Variants in PLPPR5 observed in about 807,000 individuals in gnomAD.
PLPPR5 encodes the protein phospholipid phosphatase-related protein type 5.
In PLPPR5, 16 loss-of-function variants were observed where a neutral mutation model predicts 33.9. That is an observed-to-expected ratio of 0.47 (90% CI 0.32 to 0.72). The LOEUF (loss-of-function observed/expected upper bound fraction) is 0.72. Among genes scored for constraint, PLPPR5 ranks in the 30% least tolerant of loss-of-function variants. The pLI, the probability that PLPPR5 is intolerant of heterozygous loss-of-function variation, is 0.03. For missense variants in PLPPR5, 301 were observed against 406.7 expected (o/e 0.74, Z 2.23); for synonymous variants, 163 against 150.3 (o/e 1.08, Z -0.62).
At chr1:98,984,202 C>A (rs534579213) in intron 1 of PLPPR5, among the ~76,000 whole-genome samples, 14 of 152,132 alleles carry the variant, frequency 9.2e-5, no homozygotes, top group South Asian at 4.1e-4. Flanking sequence ...GGACATGGAA[C>A]AGGGCAGTGC....
chr1:98,984,816 C>T (rs1652196221), intron 1 of PLPPR5, among the ~76,000 whole-genome samples: 1 of 151,690 alleles, frequency 6.6e-6, no homozygotes, highest in South Asian at 2.1e-4. Flanking sequence ...CATGCTGAGT[C>T]CAGGCAAAGA....
chr1:98,977,902 C>T (rs1365612214), intron 1 of PLPPR5, among the ~76,000 whole-genome samples: 1 of 151,768 alleles, frequency 6.6e-6, no homozygotes, highest in African/African-American at 2.4e-5. Context: ...CCAAAGAAAA[C>T]AAATAATAAT....
intron 1 of PLPPR5, among the ~76,000 whole-genome samples, chr1:98,987,350 G>T (rs1652295746): frequency 6.6e-6 from 1 of 151,710 alleles, no homozygotes; most frequent in Non-Finnish European, 1.5e-5. Flanking sequence ...ATATTTATGG[G>T]TATATTACTA....
At chr1:98,989,051 G>A (rs1057397437) in intron 1 of PLPPR5, among the ~76,000 whole-genome samples, 1 of 152,022 alleles carries the variant, frequency 6.6e-6, no homozygotes, top group African/African-American at 2.4e-5. Context: ...CAGAGTCATG[G>A]GTTGTCAGAT....
rs369757572 is a variant in PLPPR5 at position 98,909,761 on chromosome 1, C to T, written c.933+5025G>A. The stretch of plus-strand genomic sequence containing the variant: ...ACTGGATCCCATTGATTTAATAATT[C>T]ACTGCTCATATATATTTTAGCTTAT... On this transcript the variant is annotated intron_variant, in intron 5 of 5. Coordinates refer to ENST00000263177, the MANE Select transcript of PLPPR5 (RefSeq NM_001037317.2). Among the ~76,000 whole-genome samples the T allele has an allele frequency of 3.3e-5, 5 of 152,248 alleles. No homozygotes were observed. The East Asian group carries it at 5.8e-4, about 18-fold the overall frequency.
intron 5 of PLPPR5, among the ~76,000 whole-genome samples, chr1:98,909,502 T>C (rs190356717): frequency 7.9e-5 from 12 of 152,020 alleles, no homozygotes; most frequent in Admixed American, 1.3e-4. Context: ...ATTTACCTCA[T>C]CCATCTTAGC....
At chr1:98,918,384 G>A (rs551346984) in intron 4 of PLPPR5, among the ~76,000 whole-genome samples, 2 of 152,274 alleles carry the variant, frequency 1.3e-5, no homozygotes, top group East Asian at 3.9e-4. Context: ...TGTTGTATAT[G>A]ATAACATGAC....
chr1:98,982,057 C>T (rs1452731359), intron 1 of PLPPR5, among the ~76,000 whole-genome samples: 1 of 152,016 alleles, frequency 6.6e-6, no homozygotes, highest in Non-Finnish European at 1.5e-5. Flanking sequence ...AATGTTTCAA[C>T]TCTTACTCTA....
chr1:99,005,354 G>T (rs1653049324), upstream of PLPPR5, among the ~76,000 whole-genome samples: 4 of 152,172 alleles, frequency 2.6e-5, no homozygotes, highest in South Asian at 8.3e-4. Context: ...CGTTCAGCCT[G>T]CATCCCTCGA....
intron 1 of PLPPR5, among the ~76,000 whole-genome samples, chr1:98,998,637 G>A (rs1017629151): frequency 1.4e-4 from 22 of 152,104 alleles, no homozygotes; most frequent in Non-Finnish European, 3.2e-4. Context: ...TAATTAACAT[G>A]TTAGGATAAA....
intron 3 of PLPPR5, 42 bp downstream of exon 3, chr1:98,953,028 A>T (rs1337913366): frequency 1.2e-6 from 2 of 1,604,214 alleles, no homozygotes; most frequent in African/African-American, 2.7e-5. Flanking sequence ...AAAAATTAAC[A>T]ATAATACAGA....
At chr1:98,976,431 C>T (rs1458419178) in intron 1 of PLPPR5, among the ~76,000 whole-genome samples, 1 of 151,986 alleles carries the variant, frequency 6.6e-6, no homozygotes, top group East Asian at 1.9e-4. Context: ...CTTTAAAAAT[C>T]TATTCAGATA....
At chr1:99,001,671 G>GATATATATATATATATAGATATATAT (rs1553173326) in intron 1 of PLPPR5, among the ~76,000 whole-genome samples, 71 of 102,168 alleles carry the variant, frequency 6.9e-4, no homozygotes, top group Non-Finnish European at 1.2e-3. Flanking sequence ...GAAAGTTAAA[G>GATATATATATATATATAGATATATAT]ATATATATAT....
chr1:98,984,958 G>A lies in PLPPR5; in HGVS notation c.237+19477C>T, dbSNP rs147199944. On this transcript the variant is annotated intron_variant, in intron 1 of 5. Transcript: ENST00000263177. ...CTCCAAAATATATCTTTCTTGTATT[G>A]AGCTGGCTATGTAAAAACTCTTCAT... Among the ~76,000 whole-genome samples the A allele has an allele frequency of 3.3e-3, 502 of 151,824 alleles. 3 individuals carry two copies. Among genetic ancestry groups the A allele is most frequent in the African/African-American group, 0.012 (488 of 41,428 alleles).
chr1:98,987,426 TTTTTA>T (rs1406637369), intron 1 of PLPPR5, among the ~76,000 whole-genome samples: 1 of 151,880 alleles, frequency 6.6e-6, no homozygotes, highest in Non-Finnish European at 1.5e-5. Flanking sequence ...ATAATTTTGG[TTTTTA>T]TTTTAAAACA....
chr1:98,949,218 A>T (rs1046762886), intron 3 of PLPPR5, among the ~76,000 whole-genome samples: 3 of 150,130 alleles, frequency 2.0e-5, no homozygotes, highest in African/African-American at 2.4e-5. Flanking sequence ...AACTCTCACA[A>T]TTTTTTTTTT....
chr1:98,976,586 A>G (rs1005169183), intron 1 of PLPPR5, among the ~76,000 whole-genome samples: 3 of 152,042 alleles, frequency 2.0e-5, no homozygotes, highest in African/African-American at 4.8e-5. Context: ...TGAAACTGCC[A>G]ATTGCCTTGA....
intron 3 of PLPPR5, among the ~76,000 whole-genome samples, chr1:98,942,435 T>C (rs923555338): frequency 5.9e-5 from 9 of 152,226 alleles, no homozygotes; most frequent in Non-Finnish European, 1.0e-4. Flanking sequence ...TATATCACGC[T>C]ATTAATCTCT....
intron 5 of PLPPR5, among the ~76,000 whole-genome samples, chr1:98,910,880 C>T (rs1449438072): frequency 8.0e-6 from 1 of 125,178 alleles, no homozygotes; most frequent in Non-Finnish European, 1.7e-5. Context: ...CAGCCCTAGC[C>T]AGAGAGTGTT....
Sources: allele counts gnomAD v4.1 joint callset (sites outside exome capture counted in the v4.1 genomes callset), GRCh38; gene constraint gnomAD v4.1.1; transcripts MANE v1.5; gene names NCBI Gene and HGNC (gene_info 2026-07-23, HGNC 2026-07-21).